The following NTF3 variants were observed in gnomAD, a reference collection of about 807,000 sequenced individuals.
NTF3 encodes neurotrophin 3.
In NTF3, 8 loss-of-function variants were observed where a neutral mutation model predicts 26.3. That is an observed-to-expected ratio of 0.30 (90% CI 0.18 to 0.55). NTF3 has a LOEUF of 0.55. Among genes scored for constraint, NTF3 ranks in the 20% least tolerant of loss-of-function variants. The pLI, the probability that NTF3 is intolerant of heterozygous loss-of-function variation, is 0.93. For missense variants in NTF3, 276 were observed against 352.9 expected (o/e 0.78, Z 1.75); for synonymous variants, 154 against 145.5 (o/e 1.06, Z -0.42).
intron 1 of NTF3, among the ~76,000 whole-genome samples, chr12:5,434,064 C>G (rs887442415): frequency 6.6e-6 from 1 of 152,196 alleles, no homozygotes; most frequent in African/African-American, 2.4e-5. Context: ...GGAGACTTTT[C>G]CAGAGGTCCT....
intron 1 of NTF3, among the ~76,000 whole-genome samples, chr12:5,475,694 G>A (rs1426576770): frequency 3.3e-5 from 5 of 151,958 alleles, no homozygotes; most frequent in Admixed American, 2.0e-4. Context: ...AAAATAGCTG[G>A]GCTTGTGGTG....
chr12:5,452,284 C>T (rs182446667), intron 1 of NTF3, among the ~76,000 whole-genome samples: 3 of 151,700 alleles, frequency 2.0e-5, no homozygotes, highest in Admixed American at 1.3e-4. Context: ...TTAGTAGAGA[C>T]GGGGTTTCAC....
chr12:5,489,377 C>T (rs1332210672), intron 1 of NTF3, among the ~76,000 whole-genome samples: 3 of 152,176 alleles, frequency 2.0e-5, no homozygotes, highest in Admixed American at 2.0e-4. Flanking sequence ...TGTTTGAGAG[C>T]AAGGACAGAC....
At chr12:5,489,872 A>T (rs1241810834) in intron 1 of NTF3, among the ~76,000 whole-genome samples, 3 of 152,202 alleles carry the variant, frequency 2.0e-5, no homozygotes, top group Non-Finnish European at 2.9e-5. Context: ...GATGCTGTAA[A>T]CTGAGCCAAA....
rs1268433586 is a variant in NTF3 at position 5,445,209 on chromosome 12, TAA to T, written c.18+12869_18+12870del. Among the ~76,000 whole-genome samples the T allele has an allele frequency of 5.9e-5, 9 of 151,724 alleles. No individual in the cohort carries two copies. The East Asian group carries it at 1.7e-3, about 29-fold the overall frequency. On this transcript the variant is annotated intron_variant, in intron 1 of 1. Transcript: ENST00000423158. ...CTCATCGTGGAATAGGGACAGATGA[TAA>T]AGTTTCTTGGGCATATGAAGGGGTC...
At chr12:5,436,082 G>A (rs116095407) in intron 1 of NTF3, among the ~76,000 whole-genome samples, 187 of 152,316 alleles carry the variant, frequency 1.2e-3, no homozygotes, top group African/African-American at 4.2e-3. Context: ...GTCGTTGATC[G>A]GGTCCATACC....
At chr12:5,455,947 G>A (rs1166819234) in intron 1 of NTF3, among the ~76,000 whole-genome samples, 1 of 152,194 alleles carries the variant, frequency 6.6e-6, no homozygotes, top group Non-Finnish European at 1.5e-5. Flanking sequence ...GCAGTCTGGG[G>A]GTCATGATCG....
rs368124638 is a variant in NTF3 at position 5,494,495 on chromosome 12, G to T, written c.320G>T (p.Arg107Leu). 21 of 1,613,718 alleles carry T rather than the reference G, an allele frequency of 1.3e-5. No individual in the cohort carries two copies. The African/African-American group carries it at 2.4e-4, about 18-fold the overall frequency. Residue 107 changes from arginine to leucine, a missense_variant, in exon 2 of 2, where the codon CGA becomes CTA. By Grantham distance (102) the Arg-to-Leu change is moderately radical. Transcript: ENST00000423158. This position sits in a 1 kb window ranked among gnomAD's most constrained non-coding sequence, Gnocchi z 8.3. ...PVIAMDTELLRQQRRYNSPRV... is the reference protein window; with the variant it reads ...PVIAMDTELLLQQRRYNSPRV... ...ATTGCAATGGACACCGAACTGCTGCGACAACAGAGACGCTACAACTCACCG... is the reference window on the plus strand; with the variant it reads ...ATTGCAATGGACACCGAACTGCTGCTACAACAGAGACGCTACAACTCACCG...
chr12:5,476,563 G>A (rs563608612), intron 1 of NTF3, among the ~76,000 whole-genome samples: 1 of 152,338 alleles, frequency 6.6e-6, no homozygotes, highest in Non-Finnish European at 1.5e-5. Context: ...TCTGAGGTTG[G>A]AGCTGCACAG....
chr12:5,438,364 C>T (rs1438237318), intron 1 of NTF3, among the ~76,000 whole-genome samples: 3 of 152,190 alleles, frequency 2.0e-5, no homozygotes, highest in African/African-American at 7.2e-5. Flanking sequence ...CCCATCTGTG[C>T]CATGGTCCTT....
intron 1 of NTF3, among the ~76,000 whole-genome samples, chr12:5,482,099 T>C (rs553455144): frequency 1.3e-3 from 203 of 151,880 alleles, no homozygotes; most frequent in African/African-American, 4.8e-3. Flanking sequence ...AGGCACTACA[T>C]ACATAGAGAC....
chr12:5,430,702 T>C (rs1293197145), upstream of NTF3, among the ~76,000 whole-genome samples: 1 of 151,592 alleles, frequency 6.6e-6, no homozygotes, highest in Non-Finnish European at 1.5e-5. Flanking sequence ...TTTCAAGGTA[T>C]TTGGATTTTT....
rs377304561 is a variant in NTF3 at position 5,494,711 on chromosome 12, T to A, written c.536T>A (p.Ile179Asn). 1.1e-5 allele frequency: 17 copies of A among 1,613,940 alleles called. No homozygotes were observed. Among genetic ancestry groups the A allele is most frequent in the Non-Finnish European group, 1.4e-5 (16 of 1,180,032 alleles). ...TGGGTGACCGACAAGTCATCGGCCA[T>A]CGACATTCGGGGACACCAGGTCACG... ...SLWVTDKSSAIDIRGHQVTVL... is the reference protein window; with the variant it reads ...SLWVTDKSSANDIRGHQVTVL... Residue 179 changes from isoleucine (I) to asparagine (N), a missense_variant, in exon 2 of 2, where the codon ATC (isoleucine) becomes AAC (asparagine). Physicochemically the swap from Ile to Asn is moderately radical, Grantham distance 149. Coordinates refer to ENST00000423158, the MANE Select transcript of NTF3 (RefSeq NM_001102654.2). This position sits in a 1 kb window ranked among gnomAD's most constrained non-coding sequence, Gnocchi z 8.3.
chr12:5,470,076 C>T (rs1940645362), intron 1 of NTF3, among the ~76,000 whole-genome samples: 1 of 152,172 alleles, frequency 6.6e-6, no homozygotes, highest in Non-Finnish European at 1.5e-5. Context: ...AGGTGCCCGC[C>T]ACCATGCCTG....
At chr12:5,468,220 G>T (rs1940616850) in intron 1 of NTF3, among the ~76,000 whole-genome samples, 1 of 152,172 alleles carries the variant, frequency 6.6e-6, no homozygotes, top group Non-Finnish European at 1.5e-5. Context: ...TCATATATAT[G>T]TGTATATATT....
At position 5,446,352 on chromosome 12, in the gene NTF3, C is replaced by T. The variant is rs116180145; in HGVS notation, c.18+14010C>T. 5.5e-3 allele frequency among the ~76,000 whole-genome samples: 838 copies of T among 152,294 alleles called. 3 individuals are homozygous for T. Among genetic ancestry groups the T allele is most frequent in the African/African-American group, 0.019 (799 of 41,566 alleles). The stretch of plus-strand genomic sequence containing the variant: ...TACACTGGTTCTCCCCAGTAATTTG[C>T]ATATCAGCCAGATACCCTCCTCTAG... On this transcript the variant is annotated intron_variant, in intron 1 of 1. Transcript: ENST00000423158.
chr12:5,487,466 C>G (rs535694023), intron 1 of NTF3, among the ~76,000 whole-genome samples: 1 of 152,290 alleles, frequency 6.6e-6, no homozygotes, highest in South Asian at 2.1e-4. Context: ...TTCAGAAGGA[C>G]CAGTTTCAGT....
At chr12:5,455,366 A>G (rs1231004017) in intron 1 of NTF3, among the ~76,000 whole-genome samples, 1 of 152,108 alleles carries the variant, frequency 6.6e-6, no homozygotes, top group Non-Finnish European at 1.5e-5. Flanking sequence ...GTAACCCATG[A>G]CTGCCTGGGT....
chr12:5,431,970 G>GT (rs1565568219), upstream of NTF3: 1 of 150,364 alleles, frequency 6.7e-6, no homozygotes, highest in African/African-American at 2.4e-5. Context: ...GCGGGGGGGG[G>GT]GCTCTGGGGC....
Sources: allele counts gnomAD v4.1 joint callset (sites outside exome capture counted in the v4.1 genomes callset), GRCh38; gene constraint gnomAD v4.1.1; non-coding constraint Gnocchi (gnomAD v3.1); transcripts MANE v1.5; gene names NCBI Gene and HGNC (gene_info 2026-07-23, HGNC 2026-07-21).